The following RYR1 variants were observed in gnomAD, a reference collection of about 807,000 sequenced individuals.
The protein encoded by RYR1 is ryanodine receptor 1.
Under a neutral mutation model 583.5 loss-of-function variants are expected in RYR1, and 342 were observed. The observed-to-expected ratio is 0.59, with a 90% confidence interval of 0.54 to 0.64. The LOEUF is 0.64. Ranked by LOEUF, RYR1 falls within the 30% of genes least tolerant of loss-of-function variation. The pLI, the probability that RYR1 is intolerant of heterozygous loss-of-function variation, is 0.00. For synonymous variants in RYR1, 2,791 were observed against 2,822.5 expected (o/e 0.99, Z 0.35); for missense variants, 6,032 against 6,917.2 (o/e 0.87, Z 4.54).
In RYR1 at chr19:38,505,798, C is replaced by G. The variant is rs746571631; in HGVS notation, c.8401-8C>G. 1.2e-6 allele frequency: 2 copies of G among 1,613,980 alleles called. No individual in the cohort carries two copies. Among genetic ancestry groups the G allele is most frequent in the Non-Finnish European group, 1.7e-6 (2 of 1,180,030 alleles). Reference sequence around the variant, plus strand: ...TCCACCAACTCCCCACCCTCCTGTCCACCCCAGGACAAAGAGATTTACCGC... The same window carrying G: ...TCCACCAACTCCCCACCCTCCTGTCGACCCCAGGACAAAGAGATTTACCGC... On this transcript the variant is annotated splice_region_variant and splice_polypyrimidine_tract_variant and intron_variant, in intron 53 of 105. Coordinates refer to ENST00000359596, the MANE Select transcript of RYR1 (RefSeq NM_000540.3).
In RYR1 at chr19:38,492,515, G is replaced by A. The variant is rs761487616; in HGVS notation, c.6153G>A (p.Glu2051=). The change falls in exon 38 of 106, where the codon GAG becomes GAA. Residue 2051 remains glutamate, a synonymous_variant. Coordinates refer to ENST00000359596, the MANE Select transcript of RYR1 (RefSeq NM_000540.3). ...GAATTCAGCTAGATGGAGAGGAGGA[G>A]GAACCAGAGGAAGAGACCACCCTGG... The part of the protein sequence containing the change: ...HCGIQLDGEE[E]EPEEETTLGS... The A allele has an allele frequency of 1.9e-6, 3 of 1,614,144 alleles. No individual in the cohort carries two copies. The highest frequency in any genetic ancestry group is 2.2e-5 in the East Asian group (1 of 44,882).
intron 67 of RYR1, among the ~76,000 whole-genome samples, chr19:38,520,693 CA>C (rs71165555): frequency 0.01 from 470 of 46,850 alleles, no homozygotes; most frequent in South Asian, 0.053. Context: ...GGCTCCACCT[CA>C]AAAAAAAAAA....
At chr19:38,533,031 T>C (rs1398665910) in intron 78 of RYR1, among the ~76,000 whole-genome samples, 1 of 133,866 alleles carries the variant, frequency 7.5e-6, no homozygotes, top group Non-Finnish European at 1.7e-5. Context: ...ATGATGGGGA[T>C]ACAGGCAGAG....
chr19:38,564,809 C>G, intron 90 of RYR1, 150 bp from the exon 91 acceptor site: 6 of 1,382,832 alleles, frequency 4.3e-6, no homozygotes, highest in Non-Finnish European at 4.9e-6. Context: ...GCCACCGCGC[C>G]CAGCCTGACC....
At chr19:38,557,622 A>C (rs1275619859) in intron 89 of RYR1, among the ~76,000 whole-genome samples, 2 of 152,168 alleles carry the variant, frequency 1.3e-5, no homozygotes, top group African/African-American at 2.4e-5. Flanking sequence ...AACATGGCGA[A>C]ACCAAACCCT....
At chr19:38,461,636 G>A (rs933164054) in intron 20 of RYR1, among the ~76,000 whole-genome samples, 1 of 151,578 alleles carries the variant, frequency 6.6e-6, no homozygotes, top group Non-Finnish European at 1.5e-5. Flanking sequence ...TGAGATGGGA[G>A]GGTCACTTGA....
At chr19:38,525,206 C>T (rs958271940) in intron 70 of RYR1, 126 bp from the exon 71 acceptor site, 54 of 1,063,582 alleles carry the variant, frequency 5.1e-5, no homozygotes, top group African/African-American at 1.1e-4. Context: ...ATTGAGGTGT[C>T]GTCGGCAGTT....
intron 79 of RYR1, 146 bp downstream of exon 79, chr19:38,534,965 G>A (rs1971902943): frequency 9.2e-7 from 1 of 1,092,430 alleles, no homozygotes; most frequent in African/African-American, 1.6e-5. Flanking sequence ...GCTTCCCCTT[G>A]TATACCTGCC....
intron 76 of RYR1, among the ~76,000 whole-genome samples, chr19:38,530,506 G>A (rs1203716903): frequency 1.3e-5 from 2 of 150,704 alleles, no homozygotes; most frequent in Non-Finnish European, 2.9e-5. Flanking sequence ...CTGAACTCAA[G>A]CAATCCTCCC....
At chr19:38,476,498 A>G (rs941065864) in intron 29 of RYR1, among the ~76,000 whole-genome samples, 2 of 151,942 alleles carry the variant, frequency 1.3e-5, no homozygotes, top group Non-Finnish European at 2.9e-5. Flanking sequence ...TGCCTGGCCT[A>G]ATTTTTGTAT....
chr19:38,467,874 T>C lies in RYR1; in HGVS notation c.3381+62T>C, dbSNP rs560970049. 41 of 1,534,748 alleles carry C rather than the reference T, an allele frequency of 2.7e-5. No homozygotes were observed. In the African/African-American group the frequency reaches 5.3e-4, roughly 20 times the overall value. Reference sequence around the variant, plus strand: ...GTGGTCTCTCCCACAGCTTGTCTACTCTGGCCCTGCCTCTGTCTGTGCCTC... The same window carrying C: ...GTGGTCTCTCCCACAGCTTGTCTACCCTGGCCCTGCCTCTGTCTGTGCCTC... On this transcript the variant is annotated intron_variant, in intron 25 of 105. Transcript: ENST00000359596.
At position 38,585,103 on chromosome 19, in the gene RYR1, A is replaced by C. The variant is rs1974412533; in HGVS notation, c.14803+4A>C. On this transcript the variant is annotated splice_donor_region_variant and intron_variant, in intron 102 of 105. Coordinates refer to ENST00000359596, the MANE Select transcript of RYR1 (RefSeq NM_000540.3). ...ATCCTGTTGGCCATCATCCAGGGTCAGTGCTGGGAGTGGGCGCTCAGGGCC... is the reference window on the plus strand; with the variant it reads ...ATCCTGTTGGCCATCATCCAGGGTCCGTGCTGGGAGTGGGCGCTCAGGGCC... 2 of 1,613,414 alleles carry C rather than the reference A, an allele frequency of 1.2e-6. No homozygotes were observed. Among genetic ancestry groups the C allele is most frequent in the Non-Finnish European group, 1.7e-6 (2 of 1,179,756 alleles).
At chr19:38,560,762 A>G (rs1973094757) in intron 89 of RYR1, among the ~76,000 whole-genome samples, 1 of 150,312 alleles carries the variant, frequency 6.7e-6, no homozygotes, top group Non-Finnish European at 1.5e-5. Context: ...AGAAAGAAAA[A>G]GAAAAAAAAG....
chr19:38,488,917 C>T (rs1441661713), intron 34 of RYR1, among the ~76,000 whole-genome samples: 1 of 152,194 alleles, frequency 6.6e-6, no homozygotes, highest in African/African-American at 2.4e-5. Flanking sequence ...AGAAAGGACA[C>T]TCGCCTGTGA....
At position 38,446,503 on chromosome 19, in the gene RYR1, C is replaced by T. The variant is rs761319979; in HGVS notation, c.663C>T (p.Leu221=). The T allele has an allele frequency of 6.2e-7, 1 of 1,614,210 alleles. No homozygotes were observed. Among genetic ancestry groups the T allele is most frequent in the Non-Finnish European group, 8.5e-7 (1 of 1,180,028 alleles). The change falls in exon 8 of 106, where the codon CTC becomes CTT. Residue 221 remains leucine (L), a synonymous_variant. Transcript: ENST00000359596. Reference sequence around the variant, plus strand: ...TGACGGGAGGTCACGTCCTCCGCCTCTTTCATGGACATATGGATGAGTGTC... The same window carrying T: ...TGACGGGAGGTCACGTCCTCCGCCTTTTTCATGGACATATGGATGAGTGTC... ...GFVTGGHVLR[L]FHGHMDECLT...
intron 100 of RYR1, 62 bp downstream of exon 100, chr19:38,580,190 G>A (rs1974135577): frequency 6.2e-7 from 1 of 1,611,894 alleles, no homozygotes; most frequent in Non-Finnish European, 8.5e-7. Context: ...AGTGGGTGGT[G>A]AAGGGATAAG....
chr19:38,457,901 G>A (rs1398373598), intron 17 of RYR1, 150 bp from the exon 18 acceptor site: 2 of 868,010 alleles, frequency 2.3e-6, no homozygotes, highest in Admixed American at 1.8e-5. Context: ...GCCTGTTTCT[G>A]TCTTGATTCT....
At chr19:38,482,219 C>A (rs565997762) in intron 31 of RYR1, among the ~76,000 whole-genome samples, 8 of 152,242 alleles carry the variant, frequency 5.3e-5, no homozygotes, top group Non-Finnish European at 8.8e-5. Context: ...AGAGGGCTGG[C>A]CTGGTTTCCC....
intron 94 of RYR1, 51 bp from the exon 95 acceptor site, chr19:38,571,968 G>A (rs1418975335): frequency 1.9e-6 from 3 of 1,612,748 alleles, no homozygotes; most frequent in Non-Finnish European, 8.5e-7. Context: ...AATTTTGTGA[G>A]TGGGCTCTGC....
Sources: allele counts gnomAD v4.1 joint callset (sites outside exome capture counted in the v4.1 genomes callset), GRCh38; gene constraint gnomAD v4.1.1; transcripts MANE v1.5; gene names NCBI Gene and HGNC (gene_info 2026-07-23, HGNC 2026-07-21).